The following AGA variants were observed in gnomAD, a reference collection of about 807,000 sequenced individuals.
AGA encodes N(4)-(beta-N-acetylglucosaminyl)-L-asparaginase.
In AGA, 31 loss-of-function variants were observed where a neutral mutation model predicts 40.1. The observed-to-expected ratio is 0.77, with a 90% CI of 0.58 to 1.04. The LOEUF (loss-of-function observed/expected upper bound fraction) is 1.04. Ranked by LOEUF, AGA falls within the 50% of genes least tolerant of loss-of-function variation. The pLI, the probability that AGA is intolerant of heterozygous loss-of-function variation, is 0.00. For synonymous variants in AGA, 148 were observed against 144.0 expected, an observed-to-expected ratio of 1.03 and a Z score of -0.20; for missense variants, 445 against 435.4, an observed-to-expected ratio of 1.02 and a Z score of -0.20.
chr4:177,439,591 A>G lies in AGA; in HGVS notation c.379T>C (p.Leu127=), dbSNP rs1460079524. Residue 127 remains leucine (L), a synonymous_variant, in exon 3 of 9, where the codon TTA becomes CTA. Transcript: ENST00000264595. ...KVLEHTTHTL[L]VGESATTFAQ... ...AAAAAAATACCTGACTCTCCTACTA[A>G]AAGTGTGTGTGTTGTATGTTCCAGT... 4 of 1,612,982 alleles carry G rather than the reference A, an allele frequency of 2.5e-6. No homozygotes were observed. Among genetic ancestry groups the G allele is most frequent in the African/African-American group, 2.7e-5 (2 of 74,868 alleles).
chr4:177,439,721 G>C (rs1229661107), intron 2 of AGA, 33 bp from the exon 3 acceptor site: 1 of 1,481,574 alleles, frequency 6.7e-7, no homozygotes, highest in Non-Finnish European at 9.4e-7. Flanking sequence ...TAGGAATTAA[G>C]GAGTTTTCAG....
chr4:177,440,241 C>T (rs772979226), intron 2 of AGA, 32 bp downstream of exon 2: 1 of 1,612,922 alleles, frequency 6.2e-7, no homozygotes, highest in Non-Finnish European at 8.5e-7. Context: ...TGTAACTCAA[C>T]ATAATAAATA....
At chr4:177,437,725 GAATT>G (rs759471237) in intron 4 of AGA, among the ~76,000 whole-genome samples, 6 of 152,078 alleles carry the variant, frequency 3.9e-5, no homozygotes, top group Non-Finnish European at 5.9e-5. Context: ...TCTAGTCTAA[GAATT>G]AAATAATACA....
In AGA at chr4:177,434,469, A is replaced by G. The variant is rs1288215227; in HGVS notation, c.719T>C (p.Ile240Thr). The G allele has an allele frequency of 6.2e-7, 1 of 1,614,068 alleles. No homozygotes were observed. The highest frequency in any genetic ancestry group is 1.6e-4 in the Middle Eastern group (1 of 6,062). ...GTCAGCATAGGCTCCAGCTCCAGGT[A>G]TTGGTGAGTCTCCTACACGGCTTTG... Reference protein sequence around the residue: ...KIHGRVGDSPIPGAGAYADDT... With the variant: ...KIHGRVGDSPTPGAGAYADDT... Residue 240 changes from isoleucine to threonine, a missense_variant, in exon 7 of 9, where the codon ATA (isoleucine) becomes ACA (threonine). Coordinates refer to ENST00000264595, the MANE Select transcript of AGA (RefSeq NM_000027.4).
In AGA at chr4:177,431,770, T is replaced by C. The variant is rs369035792; in HGVS notation, c.979A>G (p.Ser327Gly). 94 of 1,613,926 alleles carry C rather than the reference T, an allele frequency of 5.8e-5. No individual in the cohort carries two copies. In the African/African-American group the frequency reaches 1.2e-3, roughly 20 times the overall value. Residue 327 changes from serine to glycine, a missense_variant, in exon 9 of 9, where the codon AGT becomes GGT. Ser to Gly is a moderately conservative substitution (Grantham distance 56). Coordinates refer to ENST00000264595, the MANE Select transcript of AGA (RefSeq NM_000027.4). Reference sequence around the variant, plus strand: ...TTTTCGGAATTATAAACCATGAAACTAAACTGAGTAAATGTTGAAAGTTTA... The same window carrying C: ...TTTTCGGAATTATAAACCATGAAACCAAACTGAGTAAATGTTGAAAGTTTA... ...CNKLSTFTQF[S>G]FMVYNSEKNQ...
rs749950004 is a variant in AGA at position 177,437,444 on chromosome 4, G to C, written c.583C>G (p.His195Asp). 6.2e-7 allele frequency: 1 copy of C among 1,613,380 alleles called. No individual in the cohort carries two copies. The change falls in exon 5 of 9, where the codon CAT becomes GAT. Residue 195 changes from histidine (H) to aspartate (D), a missense_variant. By Grantham distance (81) the His-to-Asp change is moderately conservative. Transcript: ENST00000264595. ...CCACGATCATCTTCTGTTTCTTTATGGATAGGAATATCCTGCTTTAAGATA... is the reference window on the plus strand; with the variant it reads ...CCACGATCATCTTCTGTTTCTTTATCGATAGGAATATCCTGCTTTAAGATA... ...PGILKQDIPI[H>D]KETEDDRGHD...
At position 177,440,258 on chromosome 4, in the gene AGA, G is replaced by A; in HGVS notation, c.281+15C>T. The A allele has an allele frequency of 6.2e-7, 1 of 1,613,630 alleles. No homozygotes were observed. The highest frequency in any genetic ancestry group is 1.1e-5 in the South Asian group (1 of 91,056). Reference sequence around the variant, plus strand: ...TAACTCAACATAATAAATAGGACCTGAACGGTGTTCTTACCCATCCATGAT... The same window carrying A: ...TAACTCAACATAATAAATAGGACCTAAACGGTGTTCTTACCCATCCATGAT... On this transcript the variant is annotated intron_variant, in intron 2 of 8. Transcript: ENST00000264595.
intron 2 of AGA, 48 bp downstream of exon 2, chr4:177,440,225 T>C (rs1240800927): frequency 1.2e-6 from 2 of 1,608,570 alleles, no homozygotes; most frequent in Non-Finnish European, 1.7e-6. Flanking sequence ...AGACCACAAC[T>C]CTAAATGTAA....
intron 6 of AGA, 28 bp from the exon 7 acceptor site, chr4:177,434,517 C>G (rs745635749): frequency 6.4e-7 from 1 of 1,572,172 alleles, no homozygotes; most frequent in Non-Finnish European, 8.8e-7. Flanking sequence ...CAATTTACGG[C>G]AGGAAATCGA....
intron 8 of AGA, among the ~76,000 whole-genome samples, chr4:177,432,208 ATTC>A (rs1230498899): frequency 6.6e-6 from 1 of 152,134 alleles, no homozygotes; most frequent in Non-Finnish European, 1.5e-5. Context: ...ATTGCTCCCT[ATTC>A]TTCTACTCTC....
chr4:177,439,944 C>G (rs1197689387), intron 2 of AGA: 2 of 586,006 alleles, frequency 3.4e-6, no homozygotes, highest in Non-Finnish European at 3.0e-6. Flanking sequence ...TTAAATATGG[C>G]TTTTGAAAGG....
At chr4:177,440,011 T>C in intron 2 of AGA, 1 of 580,790 alleles carries the variant, frequency 1.7e-6, no homozygotes, top group South Asian at 2.1e-5. Context: ...AGATAAATGA[T>C]TGTTTATAAG....
In AGA at chr4:177,434,431, C is replaced by T. The variant is rs1736735409; in HGVS notation, c.757G>A (p.Ala253Thr). 1.2e-6 allele frequency: 2 copies of T among 1,614,186 alleles called. No individual in the cohort carries two copies. The highest frequency in any genetic ancestry group is 1.1e-5 in the South Asian group (1 of 91,082). ...AGAYADDTAG[A>T]AAATGNGDIL... ...TCACCATTCCCAGTGGCTGCGGCTGCCCCTGCAGTATCGTCAGCATAGGCT... is the reference window on the plus strand; with the variant it reads ...TCACCATTCCCAGTGGCTGCGGCTGTCCCTGCAGTATCGTCAGCATAGGCT... Residue 253 changes from alanine (A) to threonine (T), a missense_variant, in exon 7 of 9, where the codon GCA (alanine) becomes ACA (threonine). Transcript: ENST00000264595.
chr4:177,431,848 G>T, intron 8 of AGA, 40 bp from the exon 9 acceptor site: 2 of 1,512,938 alleles, frequency 1.3e-6, no homozygotes, highest in Non-Finnish European at 9.2e-7. Flanking sequence ...TGAACTATAG[G>T]ATGCACATAT....
At position 177,437,513 on chromosome 4, in the gene AGA, T is replaced by A. The variant is rs772303261; in HGVS notation, c.514A>T (p.Ile172Leu). ...CCGCAGTATTTTGAGGGATCTGGTA[T>A]AACATTCTGTAAACAAGATTTAAGT... ...NCQPNYWRNV[I>L]PDPSKYCGPY... The change falls in exon 5 of 9, where the codon ATA becomes TTA. Residue 172 changes from isoleucine (I) to leucine (L), a missense_variant. Ile to Leu is a conservative substitution (Grantham distance 5). Coordinates refer to ENST00000264595, the MANE Select transcript of AGA (RefSeq NM_000027.4). 4 of 1,595,814 alleles carry A rather than the reference T, an allele frequency of 2.5e-6. No individual in the cohort carries two copies. The highest frequency in any genetic ancestry group is 3.4e-6 in the Non-Finnish European group (4 of 1,163,580).
At position 177,431,812 on chromosome 4, in the gene AGA, G is replaced by A; in HGVS notation, c.941-4C>T. The A allele has an allele frequency of 6.2e-7, 1 of 1,612,304 alleles. No individual in the cohort carries two copies. The highest frequency in any genetic ancestry group is 8.5e-7 in the Non-Finnish European group (1 of 1,178,546). ...GAAAGTTTATTGCAAGCAGCACCTG[G>A]GGCCAAAAATGAGAAAGAAGTTTGG... is the stretch of plus-strand genomic sequence containing the variant. On this transcript the variant is annotated splice_region_variant and splice_polypyrimidine_tract_variant and intron_variant, in intron 8 of 8. Transcript: ENST00000264595.
At chr4:177,439,997 C>G (rs1736943012) in intron 2 of AGA, 2 of 585,150 alleles carry the variant, frequency 3.4e-6, no homozygotes, top group Middle Eastern at 4.6e-4. Flanking sequence ...CATTTGTGGA[C>G]AGCAGATAAA....
chr4:177,442,143 G>T, intron 1 of AGA, 106 bp downstream of exon 1: 15 of 1,523,214 alleles, frequency 9.8e-6, no homozygotes, highest in Non-Finnish European at 1.3e-5. Context: ...GGCCCAGCCC[G>T]GCGCTCTTCC....
rs970969927 is a variant in AGA at position 177,442,103 on chromosome 4, G to A, written c.127+146C>T. 7 of 1,207,628 alleles carry A rather than the reference G, an allele frequency of 5.8e-6. No individual in the cohort carries two copies. The African/African-American group carries it at 6.1e-5, about 11-fold the overall frequency. 74.8% of individuals were successfully genotyped at this position (1,207,628 alleles called of 1,614,324 possible). The stretch of plus-strand genomic sequence containing the variant: ...AGACTGAGCGGCGCTGGAGACTCGG[G>A]AAGACCTAGAGGGCGGGACCGCGAG... On this transcript the variant is annotated intron_variant, in intron 1 of 8. Coordinates refer to ENST00000264595, the MANE Select transcript of AGA (RefSeq NM_000027.4).
Sources: gnomAD v4.1 joint callset for allele counts (sites outside exome capture counted in the v4.1 genomes callset) on GRCh38, gnomAD v4.1.1 for gene constraint, MANE v1.5 for transcripts, NCBI Gene and HGNC (gene_info 2026-07-23, HGNC 2026-07-21) for gene names.